UNC13C: variants seen among roughly 807,000 people sequenced by gnomAD.
UNC13C encodes protein unc-13 homolog C.
In UNC13C, 174 loss-of-function variants were observed where a neutral mutation model predicts 245.4. The observed-to-expected ratio is 0.71, with a 90% CI of 0.63 to 0.80. The LOEUF is 0.80. Among genes scored for constraint, UNC13C ranks in the 30% least tolerant of loss-of-function variants. UNC13C has a pLI of 0.00. For missense variants in UNC13C, 2,829 were observed against 2,602.9 expected (o/e 1.09, Z -1.89); for synonymous variants, 992 against 895.1 (o/e 1.11, Z -1.93).
chr15:54,252,845 A>G (rs2036187373), intron 8 of UNC13C, among the ~76,000 whole-genome samples: 3 of 152,200 alleles, frequency 2.0e-5, no homozygotes, highest in Non-Finnish European at 4.4e-5. Flanking sequence ...TTTCCAGGGA[A>G]AATTTCAACC....
chr15:54,542,944 CTT>C (rs1596541096), intron 26 of UNC13C, among the ~76,000 whole-genome samples: 2 of 152,196 alleles, frequency 1.3e-5, no homozygotes, highest in East Asian at 1.9e-4. Context: ...GGTCTTGACT[CTT>C]TATCCAGTTT....
intron 1 of UNC13C, among the ~76,000 whole-genome samples, chr15:53,997,187 G>T (rs1249768190): frequency 6.6e-6 from 1 of 152,076 alleles, no homozygotes; most frequent in African/African-American, 2.4e-5. Context: ...ACAGTTTTAT[G>T]TGCTTATTCG....
At chr15:54,226,415 G>T (rs1191890065) in intron 4 of UNC13C, among the ~76,000 whole-genome samples, 9 of 152,214 alleles carry the variant, frequency 5.9e-5, no homozygotes, top group Admixed American at 5.2e-4. Flanking sequence ...GAATTCAGCT[G>T]TAAATCCATC....
intron 19 of UNC13C, 123 bp downstream of exon 19, chr15:54,415,190 C>T (rs2040493892): frequency 4.5e-6 from 3 of 668,442 alleles, no homozygotes; most frequent in Non-Finnish European, 7.1e-6. Flanking sequence ...CAGTTTAGTT[C>T]TAAAACTTAT....
At chr15:54,380,891 T>G (rs2039709828) in intron 17 of UNC13C, among the ~76,000 whole-genome samples, 1 of 152,150 alleles carries the variant, frequency 6.6e-6, no homozygotes, top group Non-Finnish European at 1.5e-5. Context: ...TGGCAAATAT[T>G]TTTCTGGTTC....
chr15:54,211,940 A>G (rs2034892522), intron 4 of UNC13C, among the ~76,000 whole-genome samples: 1 of 152,072 alleles, frequency 6.6e-6, no homozygotes, highest in Non-Finnish European at 1.5e-5. Flanking sequence ...AAGGTAAGAA[A>G]CAGGAGATTC....
At chr15:54,335,208 G>T (rs1236350964) in intron 16 of UNC13C, among the ~76,000 whole-genome samples, 1 of 152,000 alleles carries the variant, frequency 6.6e-6, no homozygotes, top group Non-Finnish European at 1.5e-5. Flanking sequence ...CCACTCTCCT[G>T]AATTGCCAAC....
At chr15:54,610,962 T>A (rs1036381297) in intron 30 of UNC13C, among the ~76,000 whole-genome samples, 3 of 152,258 alleles carry the variant, frequency 2.0e-5, no homozygotes, top group Non-Finnish European at 4.4e-5. Context: ...CTATACTTTT[T>A]TAAATTTAGC....
chr15:53,903,703 G>A, the UNC13C span, among the ~76,000 whole-genome samples: 1 of 152,158 alleles, frequency 6.6e-6, no homozygotes, highest in African/African-American at 2.4e-5. Context: ...AGGAAAGCAG[G>A]CAGTAGACAG....
chr15:54,255,142 A>C (rs780791727), intron 8 of UNC13C, among the ~76,000 whole-genome samples: 1 of 152,246 alleles, frequency 6.6e-6, no homozygotes, highest in Non-Finnish European at 1.5e-5. Flanking sequence ...GGCATATGTT[A>C]CAGGGTGCTC....
chr15:54,454,212 G>T (rs1268286308), intron 19 of UNC13C, among the ~76,000 whole-genome samples: 3 of 151,868 alleles, frequency 2.0e-5, no homozygotes, highest in African/African-American at 7.3e-5. Context: ...TCACAATGTT[G>T]TACTATTATC....
chr15:54,392,571 C>T (rs1485052651), intron 17 of UNC13C, among the ~76,000 whole-genome samples: 3 of 151,886 alleles, frequency 2.0e-5, no homozygotes, highest in African/African-American at 7.2e-5. Context: ...GCTGTCAGTT[C>T]TGCATACTTA....
At position 54,331,985 on chromosome 15, in the gene UNC13C, G is replaced by A. The variant is rs192571596; in HGVS notation, c.4426-58G>A. ...TAGAGACAAAACTCAGAATTATTAT[G>A]AGGTCTTTAGAGTGGTCATTTATTT... On this transcript the variant is annotated intron_variant, in intron 14 of 32. Coordinates refer to ENST00000260323, the MANE Select transcript of UNC13C (RefSeq NM_001080534.3). 4.7e-5 allele frequency: 51 copies of A among 1,076,090 alleles called. No individual in the cohort carries two copies. The African/African-American group carries it at 6.0e-4, about 13-fold the overall frequency. The allele number at this position is 1,076,090 out of a possible 1,614,324, so 66.7% of individuals were successfully genotyped here.
intron 4 of UNC13C, among the ~76,000 whole-genome samples, chr15:54,232,233 G>A (rs578200016): frequency 6.6e-6 from 1 of 152,192 alleles, no homozygotes; most frequent in South Asian, 2.1e-4. Context: ...ATCTGTGAAG[G>A]TTGAGAAAGT....
intron 19 of UNC13C, among the ~76,000 whole-genome samples, chr15:54,455,205 C>CTATATATATATATATATATA (rs1214014395): frequency 2.1e-4 from 4 of 18,952 alleles, no homozygotes; most frequent in African/African-American, 1.9e-4. Flanking sequence ...CTCTCTCTCT[C>CTATATATATATATATATATA]TATATATATA....
At chr15:53,992,410 G>A (rs1894432517) in intron 1 of UNC13C, among the ~76,000 whole-genome samples, 1 of 152,048 alleles carries the variant, frequency 6.6e-6, no homozygotes, top group Non-Finnish European at 1.5e-5. Context: ...GAGGTTGTTT[G>A]TGGTAGATCT....
intron 1 of UNC13C, among the ~76,000 whole-genome samples, chr15:54,012,186 C>A (rs1383157146): frequency 6.6e-6 from 1 of 151,890 alleles, no homozygotes; most frequent in Non-Finnish European, 1.5e-5. Flanking sequence ...TTGAATGAAT[C>A]AAAAGAGGTT....
In UNC13C at chr15:54,566,888, C is replaced by T. The variant is rs977954028; in HGVS notation, c.5959-912C>T. 3.3e-5 allele frequency among the ~76,000 whole-genome samples: 5 copies of T among 152,038 alleles called. No homozygotes were observed. In the East Asian group the frequency reaches 7.7e-4, roughly 23 times the overall value. ...ATTTCGTTCTGTGCTAATTATAGAT[C>T]ACAGTGAGCCACAGTTACTAGTGAG... On this transcript the variant is annotated intron_variant, in intron 29 of 32. Transcript: ENST00000260323.
chr15:54,065,684 A>C (rs1898043211), intron 2 of UNC13C, among the ~76,000 whole-genome samples: 1 of 152,198 alleles, frequency 6.6e-6, no homozygotes, highest in Non-Finnish European at 1.5e-5. Context: ...TGGGAGAAAG[A>C]CCAGTACCTC....
Sources: allele counts gnomAD v4.1 joint callset (sites outside exome capture counted in the v4.1 genomes callset), GRCh38; gene constraint gnomAD v4.1.1; transcripts MANE v1.5; gene names NCBI Gene and HGNC (gene_info 2026-07-23, HGNC 2026-07-21).